The following FRMPD1 variants were observed in gnomAD, a reference collection of about 807,000 sequenced individuals.
FRMPD1 encodes the protein FERM and PDZ domain containing 1.
Under a neutral mutation model 117.8 loss-of-function variants are expected in FRMPD1, and 76 were observed. The observed-to-expected ratio is 0.65, with a 90% CI of 0.54 to 0.78. FRMPD1 has a LOEUF of 0.78. FRMPD1 is among the 30% of genes least tolerant of loss of function. The pLI is 0.00. For missense variants in FRMPD1, 1,786 were observed against 1,964.5 expected (o/e 0.91, Z 1.72); for synonymous variants, 783 against 770.4 (o/e 1.02, Z -0.27).
In FRMPD1 at chr9:37,685,439, C is replaced by G. The variant is rs376449482; in HGVS notation, c.-4-7199C>G. On this transcript the variant is annotated intron_variant, in intron 1 of 15. Transcript: ENST00000377765. ...CGGGCGGATCACAAAGTCAGGAGATCGAGACTATCCTGGCTAACACGGTGA... is the reference window on the plus strand; with the variant it reads ...CGGGCGGATCACAAAGTCAGGAGATGGAGACTATCCTGGCTAACACGGTGA... Among the ~76,000 whole-genome samples, 648 of 151,630 alleles carry G rather than the reference C, an allele frequency of 4.3e-3. 5 individuals are homozygous for G. Among genetic ancestry groups the G allele is most frequent in the African/African-American group, 0.013 (528 of 41,308 alleles).
chr9:37,686,204 A>C (rs1821935888), intron 1 of FRMPD1, among the ~76,000 whole-genome samples: 1 of 152,208 alleles, frequency 6.6e-6, no homozygotes, highest in Non-Finnish European at 1.5e-5. Context: ...AAGGAGACTG[A>C]AAGGCTGAAA....
chr9:37,731,086 G>A lies in FRMPD1; in HGVS notation c.841G>A (p.Glu281Lys), dbSNP rs1440704715. ...CCTGAAAGAAGACCCCGTGGCCTTT[G>A]AATACCTCTATCTGCAGGTGACTGG... ...DLLKEDPVAFEYLYLQSCSDV... is the reference protein window; with the variant it reads ...DLLKEDPVAFKYLYLQSCSDV... Residue 281 changes from glutamate to lysine, a missense_variant, in exon 9 of 16, where the codon GAA becomes AAA. By Grantham distance (56) the Glu-to-Lys change is moderately conservative. Coordinates refer to ENST00000377765, the MANE Select transcript of FRMPD1 (RefSeq NM_014907.3). 1 of 1,613,696 alleles carries A rather than the reference G, an allele frequency of 6.2e-7. No homozygotes were observed.
the FRMPD1 span, among the ~76,000 whole-genome samples, chr9:37,607,709 A>G: frequency 6.6e-6 from 1 of 152,236 alleles, no homozygotes; most frequent in Non-Finnish European, 1.5e-5. Context: ...CCTGTCATAG[A>G]TATTAAGGAG....
At chr9:37,633,347 T>A in the FRMPD1 span, among the ~76,000 whole-genome samples, 1 of 152,240 alleles carries the variant, frequency 6.6e-6, no homozygotes, top group Non-Finnish European at 1.5e-5. Context: ...GGCCTATTTT[T>A]AAAATGCTTC....
intron 2 of FRMPD1, among the ~76,000 whole-genome samples, chr9:37,695,092 A>G (rs1376019116): frequency 6.6e-6 from 1 of 152,178 alleles, no homozygotes; most frequent in African/African-American, 2.4e-5. Flanking sequence ...CTTTTGGGCC[A>G]TTATGAATAA....
At chr9:37,622,801 G>C in the FRMPD1 span, among the ~76,000 whole-genome samples, 1 of 152,088 alleles carries the variant, frequency 6.6e-6, no homozygotes, top group South Asian at 2.1e-4. Context: ...GAGAGAATGG[G>C]ACTGACTGAT....
the FRMPD1 span, among the ~76,000 whole-genome samples, chr9:37,617,672 A>C: frequency 6.6e-6 from 1 of 152,340 alleles, no homozygotes; most frequent in East Asian, 1.9e-4. Context: ...ATTCTAAGCC[A>C]TCCCTTGAGG....
At chr9:37,661,729 T>TA (rs1437144331) in intron 1 of FRMPD1, 1 of 152,282 alleles carries the variant, frequency 6.6e-6, no homozygotes, top group African/African-American at 2.4e-5. Context: ...GGCTAGGTTA[T>TA]ATCCAAGGTC....
At chr9:37,626,252 C>T in the FRMPD1 span, among the ~76,000 whole-genome samples, 6 of 151,958 alleles carry the variant, frequency 3.9e-5, no homozygotes, top group Non-Finnish European at 8.8e-5. Flanking sequence ...TTGCTTGAAC[C>T]CCAGAGGCGG....
At chr9:37,659,540 G>A (rs555769019) in intron 1 of FRMPD1, among the ~76,000 whole-genome samples, 5 of 152,088 alleles carry the variant, frequency 3.3e-5, no homozygotes, top group Admixed American at 6.5e-5. Flanking sequence ...ATTCATTGCC[G>A]GTTCTCAGAC....
chr9:37,617,509 T>A, the FRMPD1 span, among the ~76,000 whole-genome samples: 2 of 152,276 alleles, frequency 1.3e-5, no homozygotes, highest in Non-Finnish European at 2.9e-5. Flanking sequence ...AATATGCTAA[T>A]GTAGGTACAG....
intron 1 of FRMPD1, among the ~76,000 whole-genome samples, chr9:37,660,165 G>C (rs1159808401): frequency 2.0e-5 from 3 of 152,190 alleles, no homozygotes; most frequent in African/African-American, 7.2e-5. Context: ...GGGCTGGGGA[G>C]GAGAGGCGGG....
chr9:37,650,806 G>A (rs1820644414), upstream of FRMPD1, among the ~76,000 whole-genome samples: 4 of 150,088 alleles, frequency 2.7e-5, no homozygotes, highest in Admixed American at 2.6e-4. Context: ...AGCCAGCGGA[G>A]GCGGCGCGCG....
Position 37,737,096 on chromosome 9 carries a change from G to A in FRMPD1, c.1402G>A (p.Val468Ile), listed in dbSNP as rs953493520. 4 of 1,611,226 alleles carry A rather than the reference G, an allele frequency of 2.5e-6. No homozygotes were observed. The highest frequency in any genetic ancestry group is 3.4e-6 in the Non-Finnish European group (4 of 1,177,520). ...ATGAGATTTCTATTTGCTTTCAAAG[G>A]TTCTGACTTTGCTGCTGGAATCCAA... is the stretch of plus-strand genomic sequence containing the variant. ...VVKVYLQDVKVLTLLLESNSA... is the reference protein window; with the variant it reads ...VVKVYLQDVKILTLLLESNSA... The change falls in exon 14 of 16, where the codon GTT becomes ATT. Residue 468 changes from valine (V) to isoleucine (I), a missense_variant and splice_region_variant. Val to Ile is a conservative substitution (Grantham distance 29, BLOSUM62 3). Transcript: ENST00000377765.
rs766062116 is a variant in FRMPD1 at position 37,745,166 on chromosome 9, A to T, written c.3134A>T (p.Gln1045Leu). The change falls in exon 16 of 16, where the codon CAG becomes CTG. Residue 1045 changes from glutamine (Q) to leucine (L), a missense_variant. Physicochemically the swap from Gln to Leu is moderately radical, Grantham distance 113. Coordinates refer to ENST00000377765, the MANE Select transcript of FRMPD1 (RefSeq NM_014907.3). Reference protein sequence around the residue: ...NVSQGDTLELQLEPHVQLEMG... With the variant: ...NVSQGDTLELLLEPHVQLEMG... The stretch of plus-strand genomic sequence containing the variant: ...TCTCAAGGAGACACACTAGAGCTCC[A>T]GTTGGAGCCCCATGTCCAGTTGGAA... 4.3e-6 allele frequency: 7 copies of T among 1,614,066 alleles called. No homozygotes were observed. The Admixed American group carries it at 8.3e-5, about 19-fold the overall frequency.
intron 1 of FRMPD1, chr9:37,668,221 G>C (rs1821227837): frequency 6.6e-6 from 1 of 152,242 alleles, no homozygotes; most frequent in Non-Finnish European, 1.5e-5. Context: ...CCATCTGCAG[G>C]ACTCCTGTGC....
chr9:37,736,159 C>G (rs1239760695), intron 13 of FRMPD1, among the ~76,000 whole-genome samples: 1 of 151,960 alleles, frequency 6.6e-6, no homozygotes, highest in Non-Finnish European at 1.5e-5. Flanking sequence ...CACCACCATG[C>G]CCGGCTAATG....
At chr9:37,706,210 T>TG (rs1320551350) in intron 2 of FRMPD1, among the ~76,000 whole-genome samples, 3 of 152,000 alleles carry the variant, frequency 2.0e-5, no homozygotes, top group Non-Finnish European at 2.9e-5. Context: ...AGTCAGGGCC[T>TG]GGGGGGGATC....
intron 12 of FRMPD1, 131 bp downstream of exon 12, chr9:37,733,956 T>C (rs993846110): frequency 1.5e-6 from 1 of 661,898 alleles, no homozygotes. Context: ...GTAAACTAAA[T>C]AGTACACCAC....
Sources: gnomAD v4.1 joint callset for allele counts (sites outside exome capture counted in the v4.1 genomes callset) on GRCh38, gnomAD v4.1.1 for gene constraint, MANE v1.5 for transcripts, NCBI Gene and HGNC (gene_info 2026-07-23, HGNC 2026-07-21) for gene names.